The following TENM3 variants were observed in gnomAD, a reference collection of about 807,000 sequenced individuals.
TENM3 encodes the protein teneurin transmembrane protein 3.
A neutral mutation model predicts 255.1 loss-of-function variants in TENM3; 63 were observed. That is an observed-to-expected ratio of 0.25 (90% CI 0.20 to 0.30). The LOEUF (loss-of-function observed/expected upper bound fraction) is 0.30, where lower values mean the gene tolerates loss of function less well. Among genes scored for constraint, TENM3 ranks in the 10% least tolerant of loss-of-function variants. TENM3 has a pLI of 1.00. For missense variants in TENM3, 2,929 were observed against 3,461.1 expected, an observed-to-expected ratio of 0.85 and a Z score of 3.86; for synonymous variants, 1,306 against 1,322.3, an observed-to-expected ratio of 0.99 and a Z score of 0.27.
the TENM3 span, among the ~76,000 whole-genome samples, chr4:181,609,111 G>A: frequency 2.0e-5 from 3 of 152,192 alleles, no homozygotes; most frequent in East Asian, 3.9e-4. Context: ...GGGAAAAAAA[G>A]GAGTAGGGTA....
At chr4:181,865,096 T>A in the TENM3 span, among the ~76,000 whole-genome samples, 2 of 152,234 alleles carry the variant, frequency 1.3e-5, no homozygotes, top group African/African-American at 4.8e-5. Flanking sequence ...CTTACAAGCA[T>A]CTTTCACCAT....
rs1756746514 is a variant in TENM3 at position 182,688,279 on chromosome 4, GCCGAGCACGGGA to G, written c.2152_2163del (p.Glu718_Thr721del). 1.2e-6 allele frequency: 2 copies of G among 1,613,950 alleles called. No individual in the cohort carries two copies. The highest frequency in any genetic ancestry group is 1.7e-6 in the Non-Finnish European group (2 of 1,179,846). On this transcript the variant is annotated inframe_deletion, in exon 12 of 28. Coordinates refer to ENST00000511685, the MANE Select transcript of TENM3 (RefSeq NM_001080477.4). ...TCAGAGAGCCTGCCACCCCCGCTGT[GCCGAGCACGGGA>G]CCTGCAAGGATGGCAAGTGTGAATG...
At chr4:181,959,742 T>G in the TENM3 span, among the ~76,000 whole-genome samples, 1 of 152,236 alleles carries the variant, frequency 6.6e-6, no homozygotes, top group Non-Finnish European at 1.5e-5. Flanking sequence ...TATTTTCATT[T>G]AAAATATTCC....
the TENM3 span, among the ~76,000 whole-genome samples, chr4:181,633,172 G>A: frequency 6.6e-6 from 1 of 152,188 alleles, no homozygotes; most frequent in Admixed American, 6.5e-5. Flanking sequence ...TTATTGCTCT[G>A]TGAATTCCCT....
intron 24 of TENM3, among the ~76,000 whole-genome samples, chr4:182,776,964 C>T (rs1392068744): frequency 6.6e-6 from 1 of 152,192 alleles, no homozygotes; most frequent in Non-Finnish European, 1.5e-5. Context: ...GGGCTTCTTA[C>T]TTTCAAGATA....
chr4:182,781,089 CTA>C (rs1416634946), intron 24 of TENM3, among the ~76,000 whole-genome samples: 3 of 151,932 alleles, frequency 2.0e-5, no homozygotes, highest in African/African-American at 7.3e-5. Context: ...ACTTCCAACA[CTA>C]TGTTGAATAG....
At chr4:182,774,859 A>G in intron 23 of TENM3, 59 bp from the exon 24 acceptor site, 1 of 1,272,358 alleles carries the variant, frequency 7.9e-7, no homozygotes, top group Non-Finnish European at 1.1e-6. Flanking sequence ...TCACGGCACA[A>G]CCGGCCAAGT....
chr4:182,173,868 T>C (rs2149705020), intron 1 of TENM3, among the ~76,000 whole-genome samples: 1 of 152,322 alleles, frequency 6.6e-6, no homozygotes, highest in South Asian at 2.1e-4. Flanking sequence ...CCAATTTTTC[T>C]TGTATGTAAG....
At chr4:182,117,280 A>T in the TENM3 span, among the ~76,000 whole-genome samples, 3 of 152,112 alleles carry the variant, frequency 2.0e-5, no homozygotes, top group Non-Finnish European at 2.9e-5. Flanking sequence ...AAAAGATTTT[A>T]AGTTTAATAA....
At chr4:181,910,037 T>G in the TENM3 span, among the ~76,000 whole-genome samples, 1 of 152,212 alleles carries the variant, frequency 6.6e-6, no homozygotes, top group Non-Finnish European at 1.5e-5. Context: ...CTCTTGCTAC[T>G]TTTATAAAGA....
chr4:181,974,081 ACAGAC>A, the TENM3 span, among the ~76,000 whole-genome samples: 2 of 152,204 alleles, frequency 1.3e-5, no homozygotes, highest in East Asian at 3.9e-4. Flanking sequence ...ATGGCCTCAG[ACAGAC>A]CAGTGGGGAG....
At chr4:181,501,982 T>C in the TENM3 span, among the ~76,000 whole-genome samples, 1 of 152,150 alleles carries the variant, frequency 6.6e-6, no homozygotes, top group Admixed American at 6.5e-5. Context: ...AGCATTCGGA[T>C]TAACAGTGCC....
chr4:182,545,978 C>T (rs1048503981), intron 3 of TENM3, among the ~76,000 whole-genome samples: 1 of 152,178 alleles, frequency 6.6e-6, no homozygotes, highest in Non-Finnish European at 1.5e-5. Flanking sequence ...TCGATTAACA[C>T]ATATTTGGCA....
At chr4:182,380,208 T>C (rs558535712) in intron 3 of TENM3, among the ~76,000 whole-genome samples, 2 of 152,212 alleles carry the variant, frequency 1.3e-5, no homozygotes, top group South Asian at 2.1e-4. Flanking sequence ...GAGGCAGAGG[T>C]TGCAGTGAGC....
the TENM3 span, among the ~76,000 whole-genome samples, chr4:181,451,520 A>G: frequency 6.6e-6 from 1 of 152,160 alleles, no homozygotes; most frequent in Admixed American, 6.5e-5. Context: ...AAAGGAAAGG[A>G]TAGGAGAGAC....
chr4:181,561,170 T>G, the TENM3 span, among the ~76,000 whole-genome samples: 1 of 152,152 alleles, frequency 6.6e-6, no homozygotes, highest in African/African-American at 2.4e-5. Context: ...GCCAGGCTGG[T>G]CTCGAACTCC....
At chr4:182,127,349 C>T in the TENM3 span, among the ~76,000 whole-genome samples, 1 of 152,084 alleles carries the variant, frequency 6.6e-6, no homozygotes, top group East Asian at 1.9e-4. Context: ...GGTAACTTGG[C>T]AAGGTTACGA....
chr4:182,261,485 C>T (rs140475840), intron 1 of TENM3, among the ~76,000 whole-genome samples: 2 of 152,154 alleles, frequency 1.3e-5, no homozygotes, highest in Admixed American at 6.5e-5. Context: ...GTTTGTCCCT[C>T]AGTGTTTTGT....
At chr4:182,438,246 A>C (rs1772196257) in intron 3 of TENM3, among the ~76,000 whole-genome samples, 1 of 152,158 alleles carries the variant, frequency 6.6e-6, no homozygotes, top group South Asian at 2.1e-4. Context: ...CAAACTATTT[A>C]AGCTATTTTG....
Sources: gnomAD v4.1 joint callset for allele counts (sites outside exome capture counted in the v4.1 genomes callset) on GRCh38, gnomAD v4.1.1 for gene constraint, MANE v1.5 for transcripts, NCBI Gene and HGNC (gene_info 2026-07-23, HGNC 2026-07-21) for gene names.